Variants in ETV1 observed in about 807,000 individuals in gnomAD.
The protein encoded by ETV1 is ETS translocation variant 1.
ETV1 carries 27 observed loss-of-function variants against 62.3 expected under a neutral mutation model. That is an observed-to-expected ratio of 0.43 (90% confidence interval 0.32 to 0.60). The LOEUF (loss-of-function observed/expected upper bound fraction) is 0.60. ETV1 is among the 20% of genes least tolerant of loss of function. The probability of loss-of-function intolerance (pLI) is 0.06; values close to 1 mark genes in which losing one functional copy is unlikely to be tolerated. For synonymous variants in ETV1, 222 were observed against 199.6 expected (o/e 1.11, Z -0.94); for missense variants, 605 against 605.8 (o/e 1.00, Z 0.01).
intron 11 of ETV1, among the ~76,000 whole-genome samples, chr7:13,908,588 A>T (rs1783219540): frequency 1.3e-5 from 2 of 150,514 alleles, no homozygotes; most frequent in African/African-American, 4.9e-5. Flanking sequence ...GATTCCTATA[A>T]TTTTTTTTTT....
intron 6 of ETV1, among the ~76,000 whole-genome samples, chr7:13,952,344 G>GA (rs1453785317): frequency 6.6e-6 from 1 of 152,108 alleles, no homozygotes; most frequent in Non-Finnish European, 1.5e-5. Flanking sequence ...GAGAGAAGAG[G>GA]AAAATGGCAA....
At chr7:13,921,382 T>C (rs184530814) in intron 9 of ETV1, among the ~76,000 whole-genome samples, 1 of 152,318 alleles carries the variant, frequency 6.6e-6, no homozygotes, top group Admixed American at 6.5e-5. Flanking sequence ...ATTATGGAAA[T>C]ATTTTTTGAA....
intron 9 of ETV1, among the ~76,000 whole-genome samples, chr7:13,913,980 C>A (rs973268714): frequency 6.7e-5 from 10 of 149,534 alleles, no homozygotes; most frequent in African/African-American, 2.5e-4. Context: ...CGCCTCCCGG[C>A]TCAGGCCATT....
chr7:13,947,397 A>G (rs962746639), intron 6 of ETV1, among the ~76,000 whole-genome samples: 1 of 151,626 alleles, frequency 6.6e-6, no homozygotes, highest in African/African-American at 2.4e-5. Flanking sequence ...CTATACAAAA[A>G]AAAAAAAAAA....
chr7:13,989,169 TA>T (rs10622991), intron 2 of ETV1, 30 bp from the exon 3 acceptor site: 170 of 701,504 alleles, frequency 2.4e-4, no homozygotes, highest in South Asian at 3.8e-4. Flanking sequence ...CTTTTAGGCT[TA>T]AAAAAAAATC....
Position 13,891,659 on chromosome 7 carries a change from G to A in ETV1, c.*4207C>T, listed in dbSNP as rs1583529530. 1 of 231,922 alleles carries A rather than the reference G, an allele frequency of 4.3e-6. No homozygotes were observed. 14.4% of individuals were successfully genotyped at this position (231,922 alleles called of 1,614,324 possible). On this transcript the variant is annotated 3_prime_UTR_variant, in exon 14 of 14. Coordinates refer to ENST00000430479, the MANE Select transcript of ETV1 (RefSeq NM_004956.5). The stretch of plus-strand genomic sequence containing the variant: ...ACTAGTTGAGCTCTGAATAAACTGG[G>A]TGAAATTTTCTAGTATCATGCCCAA...
intron 6 of ETV1, among the ~76,000 whole-genome samples, chr7:13,969,692 G>C (rs970419653): frequency 3.3e-5 from 5 of 152,090 alleles, no homozygotes; most frequent in African/African-American, 1.2e-4. Flanking sequence ...TTCATGCCCA[G>C]GTCTGAATAC....
chr7:13,986,684 T>G lies in ETV1; in HGVS notation c.135A>C (p.Glu45Asp). Residue 45 changes from glutamate to aspartate, a missense_variant and splice_region_variant, in exon 5 of 14, where the codon GAA (glutamate) becomes GAC (aspartate). Around this residue, in one of 3 missense-constraint regions of ETV1, gnomAD observed 426 missense variants for 377.8 expected, o/e 1.13. Coordinates refer to ENST00000430479, the MANE Select transcript of ETV1 (RefSeq NM_004956.5). The part of the protein sequence containing the change: ...INRDLAHDSE[E>D]LFQDLSQLQE... ...GTAATTGACTTAGATCTTGAAAGAG[T>G]TCTAAAAAACAAGTCAAAGACATAA... The G allele has an allele frequency of 6.2e-7, 1 of 1,608,796 alleles. No individual in the cohort carries two copies. The highest frequency in any genetic ancestry group is 1.1e-5 in the South Asian group (1 of 89,846).
chr7:13,910,886 T>G (rs1783492926), intron 10 of ETV1, among the ~76,000 whole-genome samples: 1 of 152,162 alleles, frequency 6.6e-6, no homozygotes, highest in African/African-American at 2.4e-5. Context: ...TCCAAAACTA[T>G]GACTAGGTCT....
intron 6 of ETV1, among the ~76,000 whole-genome samples, chr7:13,964,485 G>T (rs148229887): frequency 0.011 from 1,601 of 152,158 alleles, 37 homozygotes; most frequent in African/African-American, 0.037. Context: ...TCCAGAACTT[G>T]GTATTGGTTT....
At chr7:13,982,818 TA>T (rs939172733) in intron 5 of ETV1, among the ~76,000 whole-genome samples, 3 of 151,826 alleles carry the variant, frequency 2.0e-5, no homozygotes, top group African/African-American at 7.2e-5. Context: ...TATGTTCCAT[TA>T]AAAAAAAGTA....
rs1455305070 is a variant in ETV1 at position 13,987,012 on chromosome 7, CTGAAATCTTCCTTAAAT to C, written c.134-344_134-328del. 8.7e-4 allele frequency: 205 copies of C among 236,910 alleles called. 1 individual carries two copies. Among genetic ancestry groups the C allele is most frequent in the African/African-American group, 4.6e-3 (199 of 43,090 alleles). 14.7% of individuals were successfully genotyped at this position (236,910 alleles called of 1,614,324 possible). A position where few individuals can be genotyped will look rare whatever the true frequency, so the allele number is the denominator to read the frequency against. ...GCTGAGGTGAATATGTGTCTGTTCA[CTGAAATCTTCCTTAAAT>C]ATATTTAACTCTTGCTAAAATAGTA... On this transcript the variant is annotated intron_variant, in intron 4 of 13. Transcript: ENST00000430479.
intron 6 of ETV1, among the ~76,000 whole-genome samples, chr7:13,943,647 T>A (rs1014192131): frequency 1.3e-5 from 2 of 152,100 alleles, no homozygotes; most frequent in African/African-American, 4.8e-5. Flanking sequence ...GATAAATAAA[T>A]CATGGCATAT....
At chr7:13,910,149 T>C (rs1387756565) in intron 10 of ETV1, among the ~76,000 whole-genome samples, 1 of 151,978 alleles carries the variant, frequency 6.6e-6, no homozygotes, top group African/African-American at 2.4e-5. Flanking sequence ...TTTTATCCTC[T>C]TACTTTCTTG....
At chr7:13,900,219 A>T (rs148543194) in intron 13 of ETV1, among the ~76,000 whole-genome samples, 57 of 152,324 alleles carry the variant, frequency 3.7e-4, no homozygotes, top group African/African-American at 1.4e-3. Context: ...ACCAAATAAG[A>T]TCAAATGTTC....
At chr7:13,984,219 A>G (rs1191999002) in intron 5 of ETV1, among the ~76,000 whole-genome samples, 1 of 151,970 alleles carries the variant, frequency 6.6e-6, no homozygotes. Context: ...CTTTTTTAAA[A>G]GGGTCAAGAT....
rs1288719773 is a variant in ETV1, at chr7:13,939,239, A to C, written c.243T>G (p.Phe81Leu). ...VPDYQAESLA[F>L]HGLPLKIKKE... ...TCTTGATTTTCAGTGGCAGGCCATGAAAAGCCACTAGAAAAAAGAACAAAA... is the reference window on the plus strand; with the variant it reads ...TCTTGATTTTCAGTGGCAGGCCATGCAAAGCCACTAGAAAAAAGAACAAAA... The change falls in exon 7 of 14, where the codon TTT (phenylalanine) becomes TTG (leucine). Residue 81 changes from phenylalanine to leucine, a missense_variant. Physicochemically the swap from Phe to Leu is conservative, Grantham distance 22. Around this residue, in one of 3 missense-constraint regions of ETV1, gnomAD observed 426 missense variants for 377.8 expected, o/e 1.13. Coordinates refer to ENST00000430479, the MANE Select transcript of ETV1 (RefSeq NM_004956.5). The C allele has an allele frequency of 6.2e-7, 1 of 1,603,424 alleles. No individual in the cohort carries two copies. Among genetic ancestry groups the C allele is most frequent in the Non-Finnish European group, 8.5e-7 (1 of 1,177,630 alleles).
chr7:13,968,074 A>T (rs954871876), intron 6 of ETV1, among the ~76,000 whole-genome samples: 5 of 152,140 alleles, frequency 3.3e-5, no homozygotes, highest in Admixed American at 2.0e-4. Flanking sequence ...CATTCATTGT[A>T]TAACAAAATA....
chr7:13,982,244 C>G (rs932696349), intron 5 of ETV1, among the ~76,000 whole-genome samples: 2 of 150,796 alleles, frequency 1.3e-5, no homozygotes, highest in Non-Finnish European at 2.9e-5. Context: ...TTCTCTAATG[C>G]TACAGAGGTC....
Sources: allele counts gnomAD v4.1 joint callset (sites outside exome capture counted in the v4.1 genomes callset), GRCh38; gene constraint gnomAD v4.1.1; regional missense constraint gnomAD v4.1.1; transcripts MANE v1.5; gene names NCBI Gene and HGNC (gene_info 2026-07-23, HGNC 2026-07-21).